Variants in PPA2 observed in about 807,000 individuals in gnomAD.
PPA2 encodes the protein inorganic pyrophosphatase 2, mitochondrial.
In PPA2, 48 loss-of-function variants were observed where a neutral mutation model predicts 49.5. The ratio of observed to expected loss-of-function variants is 0.97; its 90% CI spans 0.77 to 1.23. The LOEUF (loss-of-function observed/expected upper bound fraction) is 1.23, where lower values mean the gene tolerates loss of function less well. Ranked by LOEUF, PPA2 falls within the 50% of genes most tolerant of loss-of-function variation. The pLI, the probability that PPA2 is intolerant of heterozygous loss-of-function variation, is 0.00. For missense variants in PPA2, 429 were observed against 410.1 expected (o/e 1.05, Z -0.40); for synonymous variants, 131 against 139.9 (o/e 0.94, Z 0.45).
intron 5 of PPA2, among the ~76,000 whole-genome samples, chr4:105,440,325 G>T (rs1578863683): frequency 1.4e-5 from 1 of 69,718 alleles, no homozygotes; most frequent in South Asian, 8.9e-4. Context: ...GCAGTGGCAC[G>T]ATCTTGGCTC....
intron 1 of PPA2, among the ~76,000 whole-genome samples, chr4:105,461,251 T>C (rs1723079249): frequency 6.6e-6 from 1 of 152,228 alleles, no homozygotes; most frequent in Non-Finnish European, 1.5e-5. Context: ...CAGTTGAGCT[T>C]CATGCTTCTC....
intron 9 of PPA2, among the ~76,000 whole-genome samples, chr4:105,391,768 G>A (rs1312849490): frequency 6.6e-6 from 1 of 152,138 alleles, no homozygotes; most frequent in Non-Finnish European, 1.5e-5. Context: ...CATTTTTGAA[G>A]GGAATCATAA....
At chr4:105,375,972 G>A (rs981013839) in intron 10 of PPA2, among the ~76,000 whole-genome samples, 1 of 152,156 alleles carries the variant, frequency 6.6e-6, no homozygotes, top group Non-Finnish European at 1.5e-5. Context: ...TAAGCTGACT[G>A]CTTTATTAAT....
chr4:105,420,527 T>A (rs1723205084), intron 7 of PPA2, among the ~76,000 whole-genome samples: 1 of 152,210 alleles, frequency 6.6e-6, no homozygotes, highest in Non-Finnish European at 1.5e-5. Context: ...AAATTCCTGA[T>A]AGCTGCCCTC....
intron 9 of PPA2, among the ~76,000 whole-genome samples, chr4:105,392,235 A>AG (rs1223546438): frequency 6.6e-6 from 1 of 152,112 alleles, no homozygotes; most frequent in Non-Finnish European, 1.5e-5. Flanking sequence ...TTTCAGAGTA[A>AG]ACATCCAGCA....
At chr4:105,374,528 C>A (rs752008000) in intron 10 of PPA2, among the ~76,000 whole-genome samples, 2 of 152,190 alleles carry the variant, frequency 1.3e-5, no homozygotes, top group Non-Finnish European at 2.9e-5. Context: ...CCTTTCTTTT[C>A]TGTTTATATA....
chr4:105,405,543 AAATATTT>A (rs1228894332), intron 7 of PPA2: 1 of 934,700 alleles, frequency 1.1e-6, no homozygotes, highest in African/African-American at 1.8e-5. Flanking sequence ...AAGTACTTAT[AAATATTT>A]ATTTCTGAAA....
At chr4:105,400,874 C>T (rs924679798) in intron 7 of PPA2, among the ~76,000 whole-genome samples, 2 of 152,002 alleles carry the variant, frequency 1.3e-5, no homozygotes, top group Non-Finnish European at 1.5e-5. Context: ...AGGAAAAAAA[C>T]TGAAAATTTT....
intron 9 of PPA2, among the ~76,000 whole-genome samples, chr4:105,393,624 T>G (rs947619645): frequency 6.6e-6 from 1 of 151,722 alleles, no homozygotes; most frequent in African/African-American, 2.4e-5. Flanking sequence ...CTAAAGATAC[T>G]AATACACTAG....
intron 7 of PPA2, chr4:105,405,759 C>A: frequency 1.6e-6 from 1 of 644,160 alleles, no homozygotes; most frequent in Non-Finnish European, 2.4e-6. Flanking sequence ...CAAAAAGACT[C>A]AAAAACAAGA....
Position 105,413,970 on chromosome 4 carries a change from A to T in PPA2, c.655+10226T>A, listed in dbSNP as rs138736374. 1.6e-3 allele frequency among the ~76,000 whole-genome samples: 242 copies of T among 152,338 alleles called. 2 individuals carry two copies. The highest frequency in any genetic ancestry group is 5.6e-3 in the African/African-American group (234 of 41,584). ...AGAATGTCTGCAACCTAAATAATAA[A>T]GGGTTAATATGCAAAAACTCTGGTA... On this transcript the variant is annotated intron_variant, in intron 7 of 11. Coordinates refer to ENST00000341695, the MANE Select transcript of PPA2 (RefSeq NM_176869.3).
At chr4:105,442,961 T>A (rs923588) in intron 5 of PPA2, among the ~76,000 whole-genome samples, 58,635 of 152,048 alleles carry the variant, frequency 0.39, 12,898 homozygotes, top group East Asian at 0.67. Context: ...CAGTTATTGA[T>A]CACCTACTCC....
intron 6 of PPA2, among the ~76,000 whole-genome samples, chr4:105,425,315 T>G (rs1723442149): frequency 6.6e-6 from 1 of 151,966 alleles, no homozygotes; most frequent in Admixed American, 6.6e-5. Flanking sequence ...AAACAACTAC[T>G]GTAAATATGC....
At chr4:105,458,261 G>C (rs1260135329) in intron 1 of PPA2, among the ~76,000 whole-genome samples, 3 of 152,134 alleles carry the variant, frequency 2.0e-5, no homozygotes, top group Non-Finnish European at 4.4e-5. Flanking sequence ...TCCTGGAACA[G>C]AAAAATGACA....
chr4:105,469,694 T>C (rs560463314), intron 1 of PPA2, among the ~76,000 whole-genome samples: 1 of 152,230 alleles, frequency 6.6e-6, no homozygotes, highest in Non-Finnish European at 1.5e-5. Flanking sequence ...AGCACTGATA[T>C]AGAAAACGTT....
At chr4:105,466,888 C>T (rs188908359) in intron 1 of PPA2, among the ~76,000 whole-genome samples, 3 of 152,224 alleles carry the variant, frequency 2.0e-5, no homozygotes, top group Admixed American at 6.5e-5. Flanking sequence ...GGTGTTCTTC[C>T]CTTACCAGTC....
chr4:105,454,211 T>C (rs1159535587), intron 2 of PPA2, among the ~76,000 whole-genome samples: 2 of 152,212 alleles, frequency 1.3e-5, no homozygotes, highest in African/African-American at 2.4e-5. Flanking sequence ...GTAACGTTTA[T>C]ACACCAAAAT....
At position 105,390,686 on chromosome 4, in the gene PPA2, T is replaced by C. The variant is rs191581778; in HGVS notation, c.870-4050A>G. ...CAATTATTAAAAAGTCAAGAAACAA[T>C]AGATGATGCTGAGGCTGTGGAGAAA... On this transcript the variant is annotated intron_variant, in intron 9 of 11. Transcript: ENST00000341695. Among the ~76,000 whole-genome samples the C allele has an allele frequency of 1.0e-3, 153 of 152,178 alleles. 1 individual carries two copies. Among genetic ancestry groups the C allele is most frequent in the African/African-American group, 3.3e-3 (137 of 41,510 alleles).
chr4:105,422,405 G>A (rs758079463), intron 7 of PPA2, among the ~76,000 whole-genome samples: 25 of 152,146 alleles, frequency 1.6e-4, no homozygotes, highest in Non-Finnish European at 2.1e-4. Context: ...AATTTAGAAA[G>A]GTGTCCAAAG....
Sources: gnomAD v4.1 joint callset for allele counts (sites outside exome capture counted in the v4.1 genomes callset) on GRCh38, gnomAD v4.1.1 for gene constraint, MANE v1.5 for transcripts, NCBI Gene and HGNC (gene_info 2026-07-23, HGNC 2026-07-21) for gene names.